SAMD4B: variants seen among roughly 807,000 people sequenced by gnomAD.
The protein encoded by SAMD4B is sterile alpha motif domain containing 4B.
In SAMD4B, 5 loss-of-function variants were observed where a neutral mutation model predicts 74.5. The observed-to-expected ratio is 0.07, with a 90% CI of 0.04 to 0.14. The LOEUF (loss-of-function observed/expected upper bound fraction) is 0.14, where lower values mean the gene tolerates loss of function less well. Among genes scored for constraint, SAMD4B ranks in the 10% least tolerant of loss-of-function variants. The pLI is 1.00. For missense variants in SAMD4B, 608 were observed against 921.8 expected, an observed-to-expected ratio of 0.66 and a Z score of 4.41; for synonymous variants, 373 against 374.9, an observed-to-expected ratio of 1.00 and a Z score of 0.06.
chr19:39,390,005 A>G (rs191971405), downstream of SAMD4B: 75 of 1,344,814 alleles, frequency 5.6e-5, 1 homozygote, highest in East Asian at 1.6e-3. Context: ...GCAGCCAACG[A>G]GACAAGCAGT....
chr19:39,380,551 A>G (rs774131255), intron 10 of SAMD4B, 36 bp from the exon 11 acceptor site: 46 of 1,609,330 alleles, frequency 2.9e-5, no homozygotes, highest in Middle Eastern at 1.6e-4. Context: ...GGCCCCATCT[A>G]TGTAAATTAA....
At position 39,347,939 on chromosome 19, in the gene SAMD4B, C is replaced by CA. The variant is rs1248628368; in HGVS notation, c.-267+5370dup. 5.9e-5 allele frequency among the ~76,000 whole-genome samples: 9 copies of CA among 151,706 alleles called. No homozygotes were observed. The East Asian group carries it at 1.5e-3, about 26-fold the overall frequency. On this transcript the variant is annotated intron_variant, in intron 1 of 13. Coordinates refer to ENST00000610417, the MANE Select transcript of SAMD4B (RefSeq NM_001384574.2). The stretch of plus-strand genomic sequence containing the variant: ...TTTATATTCTGATGGGGGGAGGAAA[C>CA]AAAAAAATCAGAGTGTGATTCATGC...
chr19:39,357,587 C>CTA (rs2076405735), intron 3 of SAMD4B, among the ~76,000 whole-genome samples: 1 of 152,158 alleles, frequency 6.6e-6, no homozygotes, highest in African/African-American at 2.4e-5. Context: ...TGTCAGTTCC[C>CTA]TAAGTACTTA....
At chr19:39,345,227 C>T (rs1232349464) in intron 1 of SAMD4B, among the ~76,000 whole-genome samples, 1 of 152,172 alleles carries the variant, frequency 6.6e-6, no homozygotes, top group Non-Finnish European at 1.5e-5. Flanking sequence ...CCTCTGTGCC[C>T]TACTGCCCAC....
intron 1 of SAMD4B, chr19:39,350,383 C>T (rs1184839638): frequency 1.3e-5 from 2 of 152,236 alleles, no homozygotes; most frequent in Non-Finnish European, 2.9e-5. Context: ...GAGAGCTGGA[C>T]TCCAGAGGCA....
rs73547904 is a variant in SAMD4B at position 39,369,371 on chromosome 19, G to A, written c.197-284G>A. ...GGAAATGGAGCAGGTCAAAACTCCC[G>A]TGCTGATCAATAGTGGGATTGCACT... is the stretch of plus-strand genomic sequence containing the variant. On this transcript the variant is annotated intron_variant, in intron 3 of 13. Coordinates refer to ENST00000610417, the MANE Select transcript of SAMD4B (RefSeq NM_001384574.2). 2.9e-3 allele frequency: 1,243 copies of A among 429,288 alleles called. 15 individuals are homozygous for A. Among genetic ancestry groups the A allele is most frequent in the African/African-American group, 0.023 (1,147 of 49,932 alleles). 26.6% of individuals were successfully genotyped at this position (429,288 alleles called of 1,614,324 possible). A position where few individuals can be genotyped will look rare whatever the true frequency, so the allele number is the denominator to read the frequency against.
At chr19:39,379,370 T>C (rs1175738621) in intron 9 of SAMD4B, among the ~76,000 whole-genome samples, 1 of 152,196 alleles carries the variant, frequency 6.6e-6, no homozygotes, top group Non-Finnish European at 1.5e-5. Context: ...AGTTCAAACA[T>C]TTATACCTCA....
At chr19:39,364,916 G>A (rs1480759708) in intron 3 of SAMD4B, among the ~76,000 whole-genome samples, 2 of 152,090 alleles carry the variant, frequency 1.3e-5, no homozygotes, top group Non-Finnish European at 2.9e-5. Context: ...GAGAGACTTG[G>A]GATTGGAGAG....
chr19:39,386,208 G>A (rs2078244762), downstream of SAMD4B: 2 of 1,614,014 alleles, frequency 1.2e-6, no homozygotes, highest in Non-Finnish European at 1.7e-6. This position sits in a 1 kb window ranked among gnomAD's most constrained non-coding sequence, Gnocchi z 6.1. Flanking sequence ...ATCGTCCTCA[G>A]AATCAGCATC....
At chr19:39,372,434 A>C (rs1296653802) in intron 4 of SAMD4B, among the ~76,000 whole-genome samples, 1 of 152,154 alleles carries the variant, frequency 6.6e-6, no homozygotes, top group African/African-American at 2.4e-5. Flanking sequence ...TGAAGGCTAC[A>C]TTCTGGGGGG....
Position 39,378,764 on chromosome 19 carries a change from G to A in SAMD4B, c.1530+175G>A, listed in dbSNP as rs570757074. ...TTACTAAAAATACAAAAAATTAGCC[G>A]GGCGTGGTGGCAGGTGCCTGCAGTC... On this transcript the variant is annotated intron_variant, in intron 9 of 13. Transcript: ENST00000610417. The surrounding 1 kb of genome is among the most constrained non-coding windows in gnomAD (Gnocchi z 4.4). Among the ~76,000 whole-genome samples the A allele has an allele frequency of 1.1e-4, 17 of 152,302 alleles. No individual in the cohort carries two copies. Among genetic ancestry groups the A allele is most frequent in the African/African-American group, 3.9e-4 (16 of 41,556 alleles).
chr19:39,373,097 C>T (rs2145737406), intron 4 of SAMD4B, among the ~76,000 whole-genome samples: 1 of 152,314 alleles, frequency 6.6e-6, no homozygotes, highest in East Asian at 1.9e-4. Context: ...GGCTGGGTGT[C>T]ACTGTAGCAC....
chr19:39,376,585 G>GC lies in SAMD4B; in HGVS notation c.1017+40dup, dbSNP rs757973450. 144 of 1,593,268 alleles carry GC rather than the reference G, an allele frequency of 9.0e-5. 2 individuals carry two copies. In the South Asian group the frequency reaches 1.5e-3, roughly 17 times the overall value. Reference sequence around the variant, plus strand: ...GACCATCAGGGAGGTGCTGGGGGCAGCGCTAGTTTGGCATCCTTGCAGCCC... The same window carrying GC: ...GACCATCAGGGAGGTGCTGGGGGCAGCCGCTAGTTTGGCATCCTTGCAGCCC... On this transcript the variant is annotated intron_variant, in intron 6 of 13. Transcript: ENST00000610417.
At chr19:39,342,875 A>G (rs1282047703) in intron 1 of SAMD4B, among the ~76,000 whole-genome samples, 2 of 125,976 alleles carry the variant, frequency 1.6e-5, no homozygotes, top group Non-Finnish European at 3.4e-5. Flanking sequence ...CCCCCCGCAC[A>G]TCCCCCTCGG....
Position 39,383,113 on chromosome 19 carries a change from G to T in SAMD4B, c.1973-95G>T. 2 of 976,600 alleles carry T rather than the reference G, an allele frequency of 2.0e-6. No individual in the cohort carries two copies. Among genetic ancestry groups the T allele is most frequent in the Non-Finnish European group, 3.3e-6 (2 of 599,610 alleles). 60.5% of individuals were successfully genotyped at this position (976,600 alleles called of 1,614,324 possible). On this transcript the variant is annotated intron_variant, in intron 12 of 13. Transcript: ENST00000610417. This position sits in a 1 kb window ranked among gnomAD's most constrained non-coding sequence, Gnocchi z 4.1. ...TTCCCTCTCCCCCTCCATCTCTCTT[G>T]CTCCCTTCCCATACCAGCATCCTTT... is the stretch of plus-strand genomic sequence containing the variant.
Position 39,383,381 on chromosome 19 carries a change from C to T in SAMD4B, c.2056+90C>T. On this transcript the variant is annotated intron_variant, in intron 13 of 13. Transcript: ENST00000610417. The surrounding 1 kb of genome is among the most constrained non-coding windows in gnomAD (Gnocchi z 4.1). ...CAACTCAGAGTCATCCTGAGGGGTC[C>T]CCAGGGGAGGCCAGACTCCAGGGAG... 1 of 1,576,046 alleles carries T rather than the reference C, an allele frequency of 6.3e-7. No individual in the cohort carries two copies.
At chr19:39,368,213 C>CA (rs368618608) in intron 3 of SAMD4B, among the ~76,000 whole-genome samples, 12 of 149,342 alleles carry the variant, frequency 8.0e-5, no homozygotes, top group South Asian at 6.4e-4. Flanking sequence ...GACTCCGCCT[C>CA]AAAAAAAAAG....
At chr19:39,356,222 A>G (rs2076334580) in intron 2 of SAMD4B, among the ~76,000 whole-genome samples, 1 of 152,176 alleles carries the variant, frequency 6.6e-6, no homozygotes, top group African/African-American at 2.4e-5. Flanking sequence ...GAGTCCTATC[A>G]GTAGGTTAGG....
downstream of SAMD4B, among the ~76,000 whole-genome samples, chr19:39,387,831 A>T (rs1256180343): frequency 6.6e-6 from 1 of 152,202 alleles, no homozygotes; most frequent in Non-Finnish European, 1.5e-5. Context: ...AAAGGCTCTA[A>T]ATGTCTCCTG....
Sources: allele counts gnomAD v4.1 joint callset (sites outside exome capture counted in the v4.1 genomes callset), GRCh38; gene constraint gnomAD v4.1.1; non-coding constraint Gnocchi (gnomAD v3.1); transcripts MANE v1.5; gene names NCBI Gene and HGNC (gene_info 2026-07-23, HGNC 2026-07-21).